BFSP1: variants seen among roughly 807,000 people sequenced by gnomAD.
The protein encoded by BFSP1 is beaded filament structural protein 1.
BFSP1 carries 38 observed loss-of-function variants against 43.9 expected under a neutral mutation model. That is an observed-to-expected ratio of 0.87 (90% CI 0.67 to 1.14). The LOEUF (loss-of-function observed/expected upper bound fraction) is 1.14. Among genes scored for constraint, BFSP1 ranks in the 50% most tolerant of loss-of-function variants. The pLI is 0.00. For missense variants in BFSP1, 850 were observed against 875.1 expected, an observed-to-expected ratio of 0.97 and a Z score of 0.36; for synonymous variants, 352 against 354.8, an observed-to-expected ratio of 0.99 and a Z score of 0.09.
intron 3 of BFSP1, among the ~76,000 whole-genome samples, chr20:17,513,563 T>C (rs2034135953): frequency 6.6e-6 from 1 of 152,118 alleles, no homozygotes. Context: ...GGGACCCTGA[T>C]TGGAGCAGAC....
rs3076281 is a variant in BFSP1 at position 17,542,427 on chromosome 20, CAAAAAA to C, written c.2+16255_2+16260del. ...CAACATACAGAGACCTCATCTCTACCAAAAAAAAAAAAAAAAAAAAAATTCACCAGG... is the reference window on the plus strand; with the variant it reads ...CAACATACAGAGACCTCATCTCTACCAAAAAAAAAAAAAAAATTCACCAGG... On this transcript the variant is annotated intron_variant, in intron 1 of 7. Transcript: ENST00000377868. 5.2e-5 allele frequency among the ~76,000 whole-genome samples: 6 copies of C among 114,838 alleles called. No homozygotes were observed. The East Asian group carries it at 8.0e-4, about 15-fold the overall frequency. The allele number at this position is 114,838 out of a possible 152,430, so 75.3% of individuals were successfully genotyped here.
chr20:17,562,065 C>T (rs1022430605), upstream of BFSP1, among the ~76,000 whole-genome samples: 14 of 151,874 alleles, frequency 9.2e-5, no homozygotes, highest in African/African-American at 3.1e-4. Context: ...GGATTACAAG[C>T]GCACACTACC....
In BFSP1 at chr20:17,514,759, G is replaced by C; in HGVS notation, c.496C>G (p.Gln166Glu). 1 of 1,614,054 alleles carries C rather than the reference G, an allele frequency of 6.2e-7. No homozygotes were observed. The highest frequency in any genetic ancestry group is 8.5e-7 in the Non-Finnish European group (1 of 1,179,960). The stretch of plus-strand genomic sequence containing the variant: ...TCCTTTGCCGCACTGATATCATCTT[G>C]CAGAAATTGGGCTTCCAGCTGAAGG... ...LRLQLEAQFLQDDISAAKDRH... is the reference protein window; with the variant it reads ...LRLQLEAQFLEDDISAAKDRH... Residue 166 changes from glutamine to glutamate, a missense_variant, in exon 3 of 8, where the codon CAA becomes GAA. Physicochemically the swap from Gln to Glu is conservative, Grantham distance 29. Transcript: ENST00000377873.
intron 1 of BFSP1, among the ~76,000 whole-genome samples, chr20:17,530,643 T>A (rs984507571): frequency 6.6e-6 from 1 of 152,262 alleles, no homozygotes; most frequent in Non-Finnish European, 1.5e-5. Flanking sequence ...AACACGGGTA[T>A]ATACATTTGT....
intron 5 of BFSP1, among the ~76,000 whole-genome samples, chr20:17,506,220 G>A (rs1485031983): frequency 6.6e-6 from 1 of 152,184 alleles, no homozygotes; most frequent in East Asian, 1.9e-4. Flanking sequence ...GAACTTGAAT[G>A]AGACTGGAAG....
At chr20:17,501,390 C>A (rs139487395) in intron 5 of BFSP1, among the ~76,000 whole-genome samples, 3,647 of 152,218 alleles carry the variant, frequency 0.024, 147 homozygotes, top group East Asian at 0.17. Context: ...CATGGTGAAA[C>A]ACCATCTCTA....
chr20:17,496,236 A>G (rs2033628860), intron 7 of BFSP1, among the ~76,000 whole-genome samples: 1 of 152,230 alleles, frequency 6.6e-6, no homozygotes, highest in African/African-American at 2.4e-5. Flanking sequence ...TTGACTCTGG[A>G]ACACCATTTC....
chr20:17,536,804 A>C (rs1222813275), intron 1 of BFSP1, among the ~76,000 whole-genome samples: 6 of 152,194 alleles, frequency 3.9e-5, no homozygotes, highest in Non-Finnish European at 5.9e-5. Flanking sequence ...TCTGCTGCCT[A>C]CTATTGTGTG....
chr20:17,503,696 T>C (rs1306786163), intron 5 of BFSP1, among the ~76,000 whole-genome samples: 4 of 152,052 alleles, frequency 2.6e-5, no homozygotes, highest in Admixed American at 6.6e-5. Flanking sequence ...CACCTCAGCC[T>C]CCTCCCTGCT....
chr20:17,566,141 G>GCCC (rs2035116384), intron 1 of BFSP1, among the ~76,000 whole-genome samples: 3 of 127,696 alleles, frequency 2.3e-5, no homozygotes, highest in Non-Finnish European at 5.0e-5. Flanking sequence ...AAAAAAAAAA[G>GCCC]ACTACTGACA....
chr20:17,529,092 A>T lies in BFSP1; in HGVS notation c.377+1861T>A, dbSNP rs566206072. Among the ~76,000 whole-genome samples the T allele has an allele frequency of 7.2e-3, 668 of 92,508 alleles. 6 individuals are homozygous for T. Among genetic ancestry groups the T allele is most frequent in the African/African-American group, 0.043 (635 of 14,796 alleles). 60.7% of individuals were successfully genotyped at this position (92,508 alleles called of 152,430 possible). ...GTGTGTGTGTGTGTGTGTGTGTGTG[A>T]GACAGAGTCTCACTCTGTCACCCAG... On this transcript the variant is annotated intron_variant, in intron 1 of 7. Coordinates refer to ENST00000377873, the MANE Select transcript of BFSP1 (RefSeq NM_001195.5).
At chr20:17,505,737 G>A (rs1379708517) in intron 5 of BFSP1, among the ~76,000 whole-genome samples, 1 of 152,210 alleles carries the variant, frequency 6.6e-6, no homozygotes, top group Non-Finnish European at 1.5e-5. Flanking sequence ...CCCTTACCCT[G>A]TGGTTCTCAG....
intron 7 of BFSP1, among the ~76,000 whole-genome samples, chr20:17,495,347 T>C (rs1318081500): frequency 6.6e-6 from 1 of 152,202 alleles, no homozygotes. Context: ...AAGGCCATTG[T>C]CCTGACACTC....
At chr20:17,503,042 C>G (rs1445090643) in intron 5 of BFSP1, among the ~76,000 whole-genome samples, 1 of 152,180 alleles carries the variant, frequency 6.6e-6, no homozygotes, top group Non-Finnish European at 1.5e-5. Context: ...ATTTTTGAGA[C>G]AGGCAGGGTC....
chr20:17,513,739 G>A (rs2034138956), intron 3 of BFSP1, among the ~76,000 whole-genome samples: 1 of 152,222 alleles, frequency 6.6e-6, no homozygotes. Flanking sequence ...CAGTTGACTG[G>A]GCAGTGATGC....
upstream of BFSP1, among the ~76,000 whole-genome samples, chr20:17,561,207 G>GT (rs1430685775): frequency 6.6e-6 from 1 of 152,214 alleles, no homozygotes; most frequent in Non-Finnish European, 1.5e-5. Flanking sequence ...TAAAAAGAAT[G>GT]TATCATGGAG....
upstream of BFSP1, among the ~76,000 whole-genome samples, chr20:17,535,917 A>G (rs922345007): frequency 5.9e-5 from 9 of 152,144 alleles, no homozygotes; most frequent in African/African-American, 2.2e-4. Context: ...TAACCATTGA[A>G]CAATTTTACT....
At chr20:17,505,410 A>G (rs1238191295) in intron 5 of BFSP1, among the ~76,000 whole-genome samples, 1 of 152,106 alleles carries the variant, frequency 6.6e-6, no homozygotes, top group African/African-American at 2.4e-5. Context: ...TGGGACGGGG[A>G]CCTCACCCTG....
At chr20:17,534,891 G>A (rs1009604335), upstream of BFSP1, among the ~76,000 whole-genome samples, 1 of 151,960 alleles carries the variant, frequency 6.6e-6, no homozygotes, top group African/African-American at 2.4e-5. Context: ...GTCGTGGCTT[G>A]TGCCTGTAGT....
Sources: gnomAD v4.1 joint callset for allele counts (sites outside exome capture counted in the v4.1 genomes callset) on GRCh38, gnomAD v4.1.1 for gene constraint, MANE v1.5 for transcripts, NCBI Gene and HGNC (gene_info 2026-07-23, HGNC 2026-07-21) for gene names.